RERE: variants seen among roughly 807,000 people sequenced by gnomAD.
RERE encodes the protein arginine-glutamic acid dipeptide repeats.
RERE carries 40 observed loss-of-function variants against 146.1 expected under a neutral mutation model. The observed-to-expected ratio is 0.27, with a 90% CI of 0.21 to 0.36. The LOEUF is 0.36. Among genes scored for constraint, RERE ranks in the 10% least tolerant of loss-of-function variants. The probability of loss-of-function intolerance (pLI) is 1.00; values close to 1 mark genes in which losing one functional copy is unlikely to be tolerated. For missense variants in RERE, 1,933 were observed against 2,138.7 expected, an observed-to-expected ratio of 0.90 and a Z score of 1.90; for synonymous variants, 1,003 against 866.0, an observed-to-expected ratio of 1.16 and a Z score of -2.78.
chr1:8,770,866 C>T (rs1306985398), intron 1 of RERE, among the ~76,000 whole-genome samples: 1 of 152,088 alleles, frequency 6.6e-6, no homozygotes, highest in Non-Finnish European at 1.5e-5. Context: ...TAGCAAATAA[C>T]CGGAGGCAGT....
chr1:8,666,979 T>C (rs1638589890), intron 1 of RERE, among the ~76,000 whole-genome samples: 1 of 152,210 alleles, frequency 6.6e-6, no homozygotes, highest in South Asian at 2.1e-4. Context: ...ATAACTGCAA[T>C]GGGATGCCCA....
At position 8,706,057 on chromosome 1, in the gene RERE, C is replaced by T. The variant is rs187934116; in HGVS notation, c.-144-49616G>A. Among the ~76,000 whole-genome samples, 21 of 137,740 alleles carry T rather than the reference C, an allele frequency of 1.5e-4. No individual in the cohort carries two copies. The South Asian group carries it at 1.6e-3, about 10-fold the overall frequency. The allele number at this position is 137,740 out of a possible 152,430, so 90.4% of individuals were successfully genotyped here. A position where few individuals can be genotyped will look rare whatever the true frequency, so the allele number is the denominator to read the frequency against. ...TGTGAACCCAGGAGGTGGAGCTTGC[C>T]GTGAGCTGATATTGCCATGCACTCC... On this transcript the variant is annotated intron_variant, in intron 1 of 22. Transcript: ENST00000400908.
intron 2 of RERE, 104 bp from the exon 3 acceptor site, chr1:8,624,484 T>C: frequency 1.5e-6 from 1 of 681,066 alleles, no homozygotes; most frequent in Non-Finnish European, 2.4e-6. Context: ...AAAGCACATA[T>C]CTTTTATTGT....
intron 20 of RERE, 50 bp downstream of exon 20, chr1:8,358,146 C>T (rs1342683016): frequency 6.5e-7 from 1 of 1,548,398 alleles, no homozygotes; most frequent in African/African-American, 1.3e-5. Context: ...TCATCAGGCT[C>T]TGCACCCCTC....
intron 2 of RERE, among the ~76,000 whole-genome samples, chr1:8,624,851 T>C (rs531368995): frequency 2.4e-4 from 36 of 152,346 alleles, no homozygotes; most frequent in African/African-American, 7.5e-4. Flanking sequence ...CAAAGATGAC[T>C]AGCTTGAACA....
chr1:8,786,793 A>G, intron 1 of RERE: 1 of 800,972 alleles, frequency 1.2e-6, no homozygotes, highest in East Asian at 2.4e-5. Context: ...TTCATAAATA[A>G]GCTCCCTCCT....
At chr1:8,425,266 GATA>G (rs1643994667) in intron 11 of RERE, 1 of 152,252 alleles carries the variant, frequency 6.6e-6, no homozygotes, top group Non-Finnish European at 1.5e-5. Flanking sequence ...GGTCTAGGAA[GATA>G]ATAAAGGTTG....
intron 1 of RERE, among the ~76,000 whole-genome samples, chr1:8,777,456 T>G (rs972512027): frequency 1.3e-5 from 2 of 151,660 alleles, no homozygotes; most frequent in Non-Finnish European, 2.9e-5. Context: ...CAGAAGAGAA[T>G]GAACATTATA....
intron 12 of RERE, among the ~76,000 whole-genome samples, chr1:8,414,554 T>A (rs1643710030): frequency 6.6e-6 from 1 of 152,062 alleles, no homozygotes; most frequent in Admixed American, 6.6e-5. Flanking sequence ...AGATTCCGTC[T>A]CTAAATAAAT....
At chr1:8,578,733 T>C (rs1039556769) in intron 4 of RERE, among the ~76,000 whole-genome samples, 5 of 152,174 alleles carry the variant, frequency 3.3e-5, no homozygotes, top group Non-Finnish European at 7.3e-5. Flanking sequence ...TAGGGGGTTG[T>C]TGGCCTTTTA....
intron 12 of RERE, among the ~76,000 whole-genome samples, chr1:8,401,364 C>A (rs1471491011): frequency 6.6e-6 from 1 of 151,882 alleles, no homozygotes. Flanking sequence ...ATCGCTTGAA[C>A]CCGGGAGGTG....
chr1:8,540,113 A>G (rs1645781573), intron 7 of RERE, among the ~76,000 whole-genome samples: 1 of 152,096 alleles, frequency 6.6e-6, no homozygotes. Context: ...TTCTTTTAAA[A>G]GACAGGGTGT....
At chr1:8,754,758 T>A (rs769631511) in intron 1 of RERE, among the ~76,000 whole-genome samples, 2 of 152,242 alleles carry the variant, frequency 1.3e-5, no homozygotes, top group Admixed American at 6.5e-5. Flanking sequence ...TTTCTGATTA[T>A]AAATAAAACT....
At chr1:8,610,964 G>A (rs1273667707) in intron 4 of RERE, among the ~76,000 whole-genome samples, 1 of 150,980 alleles carries the variant, frequency 6.6e-6, no homozygotes, top group Non-Finnish European at 1.5e-5. Flanking sequence ...GGAGGCCTAG[G>A]TGGGGGGATC....
chr1:8,647,623 C>G (rs1647378269), intron 2 of RERE, among the ~76,000 whole-genome samples: 1 of 139,684 alleles, frequency 7.2e-6, no homozygotes, highest in African/African-American at 2.7e-5. Context: ...ATCAAATGAG[C>G]TTCTATTTAA....
chr1:8,667,973 C>T lies in RERE; in HGVS notation c.-144-11532G>A, dbSNP rs548730856. Among the ~76,000 whole-genome samples, 4 of 152,334 alleles carry T rather than the reference C, an allele frequency of 2.6e-5. No individual in the cohort carries two copies. In the East Asian group the frequency reaches 5.8e-4, roughly 22 times the overall value. On this transcript the variant is annotated intron_variant, in intron 1 of 22. Coordinates refer to ENST00000400908, the MANE Select transcript of RERE (RefSeq NM_001042681.2). ...TGGCCTCAACCCATACAGATTCTAA[C>T]AACGCAACCCACTGCTCCAGTGAGA...
chr1:8,729,772 C>T (rs1375918085), intron 1 of RERE, among the ~76,000 whole-genome samples: 1 of 152,096 alleles, frequency 6.6e-6, no homozygotes, highest in Non-Finnish European at 1.5e-5. Flanking sequence ...TGACTGCTAT[C>T]CACCCTATAC....
At chr1:8,539,343 C>T (rs961643310) in intron 7 of RERE, among the ~76,000 whole-genome samples, 10 of 152,098 alleles carry the variant, frequency 6.6e-5, no homozygotes, top group South Asian at 4.1e-4. Flanking sequence ...CATTGGAACA[C>T]GGCATACTTT....
Position 8,703,988 on chromosome 1 carries a change from C to A in RERE, c.-144-47547G>T, listed in dbSNP as rs371574406. Among the ~76,000 whole-genome samples the A allele has an allele frequency of 3.0e-4, 45 of 152,312 alleles. 1 individual carries two copies. The highest frequency in any genetic ancestry group is 1.0e-3 in the African/African-American group (43 of 41,574). On this transcript the variant is annotated intron_variant, in intron 1 of 22. Transcript: ENST00000400908. ...AGTAAATAAAGATCCATCTGTTAGA[C>A]AAGACATAGCTTAAATTGTGCATGA...
Sources: allele counts gnomAD v4.1 joint callset (sites outside exome capture counted in the v4.1 genomes callset), GRCh38; gene constraint gnomAD v4.1.1; transcripts MANE v1.5; gene names NCBI Gene and HGNC (gene_info 2026-07-23, HGNC 2026-07-21).